The following LZTS1 variants were observed in gnomAD, a reference collection of about 807,000 sequenced individuals.
LZTS1 encodes leucine zipper putative tumor suppressor 1.
LZTS1 carries 31 observed loss-of-function variants against 45.8 expected under a neutral mutation model. That is an observed-to-expected ratio of 0.68 (90% confidence interval 0.51 to 0.91). The LOEUF (loss-of-function observed/expected upper bound fraction) is 0.91, where lower values mean the gene tolerates loss of function less well. LZTS1 is among the 40% of genes least tolerant of loss of function. The probability of loss-of-function intolerance (pLI) is 0.00; values close to 1 mark genes in which losing one functional copy is unlikely to be tolerated. For synonymous variants in LZTS1, 359 were observed against 357.3 expected, an observed-to-expected ratio of 1.00 and a Z score of -0.05; for missense variants, 821 against 788.9, an observed-to-expected ratio of 1.04 and a Z score of -0.49.
intron 1 of LZTS1, among the ~76,000 whole-genome samples, chr8:20,291,956 C>A (rs558183374): frequency 1.1e-4 from 17 of 152,320 alleles, no homozygotes; most frequent in Admixed American, 2.0e-4. Flanking sequence ...TCTGAGACTG[C>A]CAGCCAGGTG....
At chr8:20,271,724 C>T (rs188620404) in intron 1 of LZTS1, among the ~76,000 whole-genome samples, 15 of 152,364 alleles carry the variant, frequency 9.8e-5, no homozygotes, top group Admixed American at 8.5e-4. Context: ...TCTCCCTCCC[C>T]CTTGCCTTCC....
chr8:20,290,855 C>T lies in LZTS1; in HGVS notation c.-135+12885G>A, dbSNP rs182301688. Among the ~76,000 whole-genome samples, 751 of 152,268 alleles carry T rather than the reference C, an allele frequency of 4.9e-3. 8 individuals are homozygous for T. Among genetic ancestry groups the T allele is most frequent in the African/African-American group, 0.017 (715 of 41,536 alleles). On this transcript the variant is annotated intron_variant, in intron 1 of 3. Coordinates refer to ENST00000381569, the MANE Select transcript of LZTS1 (RefSeq NM_021020.5). ...AAGGAAGAAAGGAAAGGAGAATAAC[C>T]CCACTTCTGTCCAGCCACTGCCCTT...
chr8:20,287,502 G>A (rs1800812969), intron 1 of LZTS1, among the ~76,000 whole-genome samples: 1 of 152,206 alleles, frequency 6.6e-6, no homozygotes, highest in Admixed American at 6.5e-5. Context: ...GAGGGTCTAT[G>A]AGCTTGCCCT....
intron 1 of LZTS1, among the ~76,000 whole-genome samples, chr8:20,267,620 A>T (rs1239297747): frequency 4.6e-5 from 7 of 151,156 alleles, no homozygotes; most frequent in Admixed American, 4.6e-4. Context: ...GGTTCAAGTG[A>T]CTCTTCTGCC....
chr8:20,268,845 G>T (rs920353027), intron 1 of LZTS1, among the ~76,000 whole-genome samples: 2 of 152,120 alleles, frequency 1.3e-5, no homozygotes, highest in African/African-American at 4.8e-5. Context: ...GGCAGAAAGT[G>T]AAAGGGAAAT....
intron 1 of LZTS1, among the ~76,000 whole-genome samples, chr8:20,265,897 C>T (rs542733975): frequency 6.6e-6 from 1 of 152,132 alleles, no homozygotes; most frequent in African/African-American, 2.4e-5. Flanking sequence ...CATCATCTAA[C>T]TTTTCAGGGG....
chr8:20,266,347 A>C (rs1322708137), intron 1 of LZTS1, among the ~76,000 whole-genome samples: 1 of 152,142 alleles, frequency 6.6e-6, no homozygotes, highest in Non-Finnish European at 1.5e-5. Context: ...ATTTTTAATA[A>C]AACCAGCTCA....
chr8:20,288,987 G>GT (rs59572169), intron 1 of LZTS1, among the ~76,000 whole-genome samples: 21,459 of 119,434 alleles, frequency 0.18, 2,226 homozygotes, highest in Admixed American at 0.23. Context: ...ATAGCAGCTG[G>GT]TTTTTTTTTT....
rs1431971510 is a variant in LZTS1, at chr8:20,254,921, G to C, written c.261C>G (p.Ser87Arg). The C allele has an allele frequency of 6.2e-7, 1 of 1,614,086 alleles. No homozygotes were observed. The highest frequency in any genetic ancestry group is 8.5e-7 in the Non-Finnish European group (1 of 1,180,042). ...CCCCAGCCTGGCCCCCTAAATCCCC[G>C]CTGGACAGTGCCGTGTAATCTGGGT... ...SHHPDYTALS[S>R]GDLGGQAGVD... The change falls in exon 2 of 4, where the codon AGC becomes AGG. Residue 87 changes from serine to arginine, a missense_variant. Physicochemically the swap from Ser to Arg is moderately radical, Grantham distance 110. Coordinates refer to ENST00000381569, the MANE Select transcript of LZTS1 (RefSeq NM_021020.5).
intron 3 of LZTS1, among the ~76,000 whole-genome samples, chr8:20,251,347 T>G (rs1207559753): frequency 6.6e-6 from 1 of 151,772 alleles, no homozygotes; most frequent in African/African-American, 2.4e-5. Context: ...ATGAAATTCT[T>G]GGTCCCAAGC....
intron 1 of LZTS1, among the ~76,000 whole-genome samples, chr8:20,273,018 C>G (rs996789521): frequency 6.6e-6 from 1 of 152,172 alleles, no homozygotes; most frequent in Non-Finnish European, 1.5e-5. Context: ...TATTGCTGCT[C>G]GATCATTTCT....
At chr8:20,267,608 C>A (rs1299133993) in intron 1 of LZTS1, among the ~76,000 whole-genome samples, 1 of 152,070 alleles carries the variant, frequency 6.6e-6, no homozygotes, top group Non-Finnish European at 1.5e-5. Flanking sequence ...CTCTGCCTCC[C>A]GGGTTCAAGT....
chr8:20,300,199 C>G (rs1230530251), intron 1 of LZTS1, among the ~76,000 whole-genome samples: 1 of 152,172 alleles, frequency 6.6e-6, no homozygotes. Context: ...GCAAAGGGCA[C>G]CCATGCAGAA....
At chr8:20,299,874 G>A (rs572868323) in intron 1 of LZTS1, among the ~76,000 whole-genome samples, 1 of 152,342 alleles carries the variant, frequency 6.6e-6, no homozygotes, top group South Asian at 2.1e-4. Context: ...GAGCTAATAT[G>A]TAAATCACCT....
At position 20,256,528 on chromosome 8, in the gene LZTS1, T is replaced by C. The variant is rs1800107481; in HGVS notation, c.-134-1213A>G. Among the ~76,000 whole-genome samples, 3 of 152,140 alleles carry C rather than the reference T, an allele frequency of 2.0e-5. No homozygotes were observed. The South Asian group carries it at 6.2e-4, about 32-fold the overall frequency. ...TAGATGTGGTGGTGGCTCACGTCTG[T>C]AATCCCAGCATTTTGGGAGGCCAAG... On this transcript the variant is annotated intron_variant, in intron 1 of 3. Transcript: ENST00000381569.
At position 20,246,293 on chromosome 8, in the gene LZTS1, G is replaced by T. The variant is rs1457978044; in HGVS notation, c.*3429C>A. On this transcript the variant is annotated 3_prime_UTR_variant, in exon 4 of 4. Transcript: ENST00000381569. ...GTCAAAAGCAAACCAAACCAAACAA[G>T]AAACCACAAAGAGAAAAATAACTAT... 2 of 152,482 alleles carry T rather than the reference G, an allele frequency of 1.3e-5. No homozygotes were observed. Among genetic ancestry groups the T allele is most frequent in the Non-Finnish European group, 2.9e-5 (2 of 68,042 alleles). 9.4% of individuals were successfully genotyped at this position (152,482 alleles called of 1,614,324 possible).
intron 1 of LZTS1, among the ~76,000 whole-genome samples, chr8:20,265,051 G>A (rs1563872271): frequency 6.6e-6 from 1 of 152,188 alleles, no homozygotes; most frequent in Non-Finnish European, 1.5e-5. Context: ...GGGTTCAAGT[G>A]CTGGGAAGGC....
chr8:20,255,362 C>T (rs909018396), intron 1 of LZTS1, 47 bp from the exon 2 acceptor site: 60 of 1,331,832 alleles, frequency 4.5e-5, no homozygotes, highest in Non-Finnish European at 5.4e-5. Context: ...GGAGTGGTCA[C>T]AGCACAGTGC....
intron 1 of LZTS1, among the ~76,000 whole-genome samples, chr8:20,283,382 T>C (rs1800731540): frequency 6.6e-6 from 1 of 152,146 alleles, no homozygotes; most frequent in Non-Finnish European, 1.5e-5. Context: ...AGGCACCTGC[T>C]ATGAACCAGA....
Sources: gnomAD v4.1 joint callset for allele counts (sites outside exome capture counted in the v4.1 genomes callset) on GRCh38, gnomAD v4.1.1 for gene constraint, MANE v1.5 for transcripts, NCBI Gene and HGNC (gene_info 2026-07-23, HGNC 2026-07-21) for gene names.